The following HELB variants were observed in gnomAD, a reference collection of about 807,000 sequenced individuals.
HELB encodes the protein DNA helicase B.
HELB carries 96 observed loss-of-function variants against 101.7 expected under a neutral mutation model. The observed-to-expected ratio is 0.94, with a 90% confidence interval of 0.80 to 1.12. The LOEUF is 1.12. Ranked by LOEUF, HELB falls within the 50% of genes most tolerant of loss-of-function variation. The pLI is 0.00. For synonymous variants in HELB, 437 were observed against 459.7 expected, an observed-to-expected ratio of 0.95 and a Z score of 0.63; for missense variants, 1,210 against 1,291.9, an observed-to-expected ratio of 0.94 and a Z score of 0.97.
Position 66,304,893 on chromosome 12 carries a change from A to C in HELB, c.350A>C (p.Asp117Ala). 6.2e-7 allele frequency: 1 copy of C among 1,614,150 alleles called. No individual in the cohort carries two copies. The highest frequency in any genetic ancestry group is 8.5e-7 in the Non-Finnish European group (1 of 1,180,020). Residue 117 changes from aspartate to alanine, a missense_variant, in exon 2 of 13, where the codon GAT becomes GCT. Asp to Ala is a moderately radical substitution (Grantham distance 126). Coordinates refer to ENST00000247815, the MANE Select transcript of HELB (RefSeq NM_001370285.1). ...QGFPSYFLQS[D>A]MSPPNQKHIC... Reference sequence around the variant, plus strand: ...TTTCCGTCTTACTTTTTGCAGTCTGATATGTCACCACCAAATCAAAAACAT... The same window carrying C: ...TTTCCGTCTTACTTTTTGCAGTCTGCTATGTCACCACCAAATCAAAAACAT...
chr12:66,340,106 A>G (rs1381000021), downstream of HELB: 1 of 152,224 alleles, frequency 6.6e-6, no homozygotes, highest in African/African-American at 2.4e-5. Context: ...ATGTGGACAT[A>G]TGCTTTCACT....
At chr12:66,302,814 G>A in intron 1 of HELB, 24 bp downstream of exon 1, 1 of 1,579,718 alleles carries the variant, frequency 6.3e-7, no homozygotes, top group Non-Finnish European at 8.6e-7. Context: ...CTGCCCGGGG[G>A]ATGGGGTTGG....
chr12:66,318,894 G>A, intron 7 of HELB, 102 bp downstream of exon 7: 1 of 839,182 alleles, frequency 1.2e-6, no homozygotes, highest in Non-Finnish European at 1.8e-6. Context: ...ATGGTAAAGA[G>A]AAATATTGCT....
chr12:66,330,440 G>A (rs1592646991), intron 11 of HELB, among the ~76,000 whole-genome samples: 1 of 151,562 alleles, frequency 6.6e-6, no homozygotes, highest in African/African-American at 2.4e-5. Flanking sequence ...CTTTTTTTGT[G>A]ATTTGTTTTG....
chr12:66,331,545 C>T lies in HELB; in HGVS notation c.3062C>T (p.Ser1021Leu), dbSNP rs868455893. Reference protein sequence around the residue: ...LTFAERWQLSSPDGVDTDDDL... With the variant: ...LTFAERWQLSLPDGVDTDDDL... ...TTTGCTGAAAGATGGCAATTATCTT[C>T]ACCTGATGGAGTAGATACAGATGAT... The change falls in exon 12 of 13, where the codon TCA (serine) becomes TTA (leucine). Residue 1021 changes from serine (S) to leucine (L), a missense_variant. Ser to Leu is a moderately radical substitution (Grantham distance 145, BLOSUM62 -2). Around this residue, in one of 2 missense-constraint regions of HELB, gnomAD observed 740 missense variants for 728.8 expected, o/e 1.02. Coordinates refer to ENST00000247815, the MANE Select transcript of HELB (RefSeq NM_001370285.1). The T allele has an allele frequency of 6.2e-7, 1 of 1,614,088 alleles. No individual in the cohort carries two copies. Among genetic ancestry groups the T allele is most frequent in the Non-Finnish European group, 8.5e-7 (1 of 1,180,034 alleles).
Position 66,324,130 on chromosome 12 carries a change from G to A in HELB, c.2445G>A (p.Thr815=), listed in dbSNP as rs34109029. The A allele has an allele frequency of 9.9e-5, 160 of 1,613,696 alleles. No individual in the cohort carries two copies. Among genetic ancestry groups the A allele is most frequent in the Admixed American group, 2.0e-4 (12 of 60,002 alleles). Reference sequence around the variant, plus strand: ...CCAGTAGTGAAGACTTTTCTGGTACGCTTCCTGATTTTGCTAAAAATAAGC... The same window carrying A: ...CCAGTAGTGAAGACTTTTCTGGTACACTTCCTGATTTTGCTAAAAATAAGC... ...LDASSEDFSG[T]LPDFAKNKRD... is the part of the protein sequence containing the mutation. The change falls in exon 10 of 13, where the codon ACG becomes ACA. Residue 815 remains threonine (T), a synonymous_variant. Coordinates refer to ENST00000247815, the MANE Select transcript of HELB (RefSeq NM_001370285.1).
intron 6 of HELB, among the ~76,000 whole-genome samples, chr12:66,318,222 A>G (rs1170968459): frequency 6.6e-6 from 1 of 152,172 alleles, no homozygotes; most frequent in African/African-American, 2.4e-5. Flanking sequence ...CCTGTTTTCT[A>G]TTATTGTGGC....
intron 3 of HELB, among the ~76,000 whole-genome samples, chr12:66,308,136 T>C (rs2053499591): frequency 6.6e-6 from 1 of 152,136 alleles, no homozygotes; most frequent in Non-Finnish European, 1.5e-5. Context: ...TAAGGAGCTG[T>C]TGAAGTCCTA....
intron 3 of HELB, among the ~76,000 whole-genome samples, chr12:66,309,105 C>G (rs2053510635): frequency 6.6e-6 from 1 of 152,132 alleles, no homozygotes; most frequent in Admixed American, 6.5e-5. Context: ...CAACAGAAAA[C>G]TTAATGTAAC....
At chr12:66,310,907 G>A (rs181522992) in intron 4 of HELB, among the ~76,000 whole-genome samples, 342 of 152,276 alleles carry the variant, frequency 2.2e-3, no homozygotes, top group Admixed American at 5.1e-3. Flanking sequence ...TCCAGCCTGG[G>A]CAACAGAGCG....
chr12:66,338,061 C>G lies in HELB; in HGVS notation c.3223C>G (p.Pro1075Ala). Residue 1075 changes from proline to alanine, a missense_variant, in exon 13 of 13, where the codon CCC becomes GCC. Pro to Ala is a conservative substitution (Grantham distance 27). Coordinates refer to ENST00000247815, the MANE Select transcript of HELB (RefSeq NM_001370285.1). Reference sequence around the variant, plus strand: ...GAATTTGAGACTGAATAATTTAATTCCCAGGCAACTTTTCAAGCCCACCGA... The same window carrying G: ...GAATTTGAGACTGAATAATTTAATTGCCAGGCAACTTTTCAAGCCCACCGA... ...LQNLRLNNLI[P>A]RQLFKPTDNQ... 6.2e-7 allele frequency: 1 copy of G among 1,604,572 alleles called. No individual in the cohort carries two copies. The highest frequency in any genetic ancestry group is 8.5e-7 in the Non-Finnish European group (1 of 1,171,630).
intron 11 of HELB, among the ~76,000 whole-genome samples, chr12:66,330,840 A>T (rs545582349): frequency 6.6e-6 from 1 of 151,938 alleles, no homozygotes; most frequent in Non-Finnish European, 1.5e-5. Flanking sequence ...ACATTTACAC[A>T]TGAAGCCTGT....
At chr12:66,313,332 G>A (rs534365207) in intron 4 of HELB, among the ~76,000 whole-genome samples, 22 of 152,130 alleles carry the variant, frequency 1.4e-4, no homozygotes, top group Admixed American at 4.6e-4. Flanking sequence ...TAAGGATTTT[G>A]GATTTTGAAT....
chr12:66,327,052 A>ATATATATATAT (rs1321370729), intron 11 of HELB, among the ~76,000 whole-genome samples: 1 of 126,732 alleles, frequency 7.9e-6, no homozygotes, highest in African/African-American at 3.4e-5. Context: ...AAAAAAAAAA[A>ATATATATATAT]AAAAAAAAAA....
intron 4 of HELB, 57 bp from the exon 5 acceptor site, chr12:66,313,929 T>A (rs900743619): frequency 2.1e-5 from 31 of 1,506,734 alleles, no homozygotes; most frequent in East Asian, 1.6e-4. Context: ...TTGCTATTAA[T>A]TTTTGGTTTT....
In HELB at chr12:66,329,920, A is replaced by G. The variant is rs1023527945; in HGVS notation, c.2671-1234A>G. ...TATGTAATCAAATACCATTTATGTC[A>G]ATTTCTGAGACCCAGCAACATCGGA... On this transcript the variant is annotated intron_variant, in intron 11 of 12. Coordinates refer to ENST00000247815, the MANE Select transcript of HELB (RefSeq NM_001370285.1). 2.0e-5 allele frequency among the ~76,000 whole-genome samples: 3 copies of G among 152,310 alleles called. No homozygotes were observed. The South Asian group carries it at 6.2e-4, about 32-fold the overall frequency.
chr12:66,309,003 CAG>C (rs1350358711), intron 3 of HELB, among the ~76,000 whole-genome samples: 1 of 152,086 alleles, frequency 6.6e-6, no homozygotes, highest in African/African-American at 2.4e-5. Context: ...ATCTCTTCTG[CAG>C]AGTTTAGGCA....
Position 66,304,918 on chromosome 12 carries a change from T to G in HELB, c.375T>G (p.His125Gln), listed in dbSNP as rs780749687. Residue 125 changes from histidine to glutamine, a missense_variant, in exon 2 of 13, where the codon CAT (histidine) becomes CAG (glutamine). This residue lies in a region of HELB where 470 missense variants were observed against 563.1 expected (regional missense o/e 0.83). Coordinates refer to ENST00000247815, the MANE Select transcript of HELB (RefSeq NM_001370285.1). The stretch of plus-strand genomic sequence containing the variant: ...ATATGTCACCACCAAATCAAAAACA[T>G]ATCTGTGCTCTCTTTCTTAAAGAGT... ...QSDMSPPNQKHICALFLKECE... is the reference protein window; with the variant it reads ...QSDMSPPNQKQICALFLKECE... 1 of 1,614,138 alleles carries G rather than the reference T, an allele frequency of 6.2e-7. No homozygotes were observed. The highest frequency in any genetic ancestry group is 8.5e-7 in the Non-Finnish European group (1 of 1,179,992).
At chr12:66,339,798 C>T (rs1055669630), downstream of HELB, 1 of 152,094 alleles carries the variant, frequency 6.6e-6, no homozygotes, top group Non-Finnish European at 1.5e-5. Flanking sequence ...AGCAGTAATC[C>T]CCTGACTTCC....
Sources: gnomAD v4.1 joint callset for allele counts (sites outside exome capture counted in the v4.1 genomes callset) on GRCh38, gnomAD v4.1.1 for gene constraint, gnomAD v4.1.1 regional missense constraint, MANE v1.5 for transcripts, NCBI Gene and HGNC (gene_info 2026-07-23, HGNC 2026-07-21) for gene names.